Variants in MARCHF1 observed in about 807,000 individuals in gnomAD.
MARCHF1 encodes E3 ubiquitin-protein ligase MARCHF1.
MARCHF1 carries 40 observed loss-of-function variants against 54.2 expected under a neutral mutation model. That is an observed-to-expected ratio of 0.74 (90% CI 0.57 to 0.96). The LOEUF (loss-of-function observed/expected upper bound fraction) is 0.96. Among genes scored for constraint, MARCHF1 ranks in the 40% least tolerant of loss-of-function variants. The pLI is 0.00. For missense variants in MARCHF1, 586 were observed against 656.5 expected, an observed-to-expected ratio of 0.89 and a Z score of 1.17; for synonymous variants, 236 against 236.3, an observed-to-expected ratio of 1.00 and a Z score of 0.01.
intron 8 of MARCHF1, among the ~76,000 whole-genome samples, chr4:163,572,334 T>A (rs1739866974): frequency 3.4e-5 from 5 of 146,144 alleles, no homozygotes; most frequent in East Asian, 2.0e-4. Flanking sequence ...TTTTTTTTTT[T>A]AAATAAATTG....
intron 1 of MARCHF1, among the ~76,000 whole-genome samples, chr4:164,197,990 A>C (rs1448042887): frequency 6.6e-6 from 1 of 152,090 alleles, no homozygotes; most frequent in African/African-American, 2.4e-5. Flanking sequence ...TGAATACACA[A>C]GGCACTCCCC....
chr4:163,923,577 T>C (rs1210755437), intron 3 of MARCHF1, among the ~76,000 whole-genome samples: 4 of 152,102 alleles, frequency 2.6e-5, no homozygotes, highest in Admixed American at 1.3e-4. Context: ...CTATCTTATA[T>C]GCTATCTCAC....
At chr4:164,016,461 A>G (rs1753545501) in intron 2 of MARCHF1, among the ~76,000 whole-genome samples, 1 of 152,176 alleles carries the variant, frequency 6.6e-6, no homozygotes, top group Admixed American at 6.6e-5. Context: ...AAACCTAACC[A>G]TATCACATAT....
chr4:164,304,373 T>C (rs1444103554), intron 1 of MARCHF1, among the ~76,000 whole-genome samples: 3 of 152,214 alleles, frequency 2.0e-5, no homozygotes, highest in Admixed American at 2.0e-4. Context: ...AGCTTTTACA[T>C]TCACTACAAG....
At chr4:164,301,728 A>C (rs1215257553) in intron 1 of MARCHF1, among the ~76,000 whole-genome samples, 1 of 152,196 alleles carries the variant, frequency 6.6e-6, no homozygotes, top group Non-Finnish European at 1.5e-5. Flanking sequence ...ATAAAAAAGA[A>C]TGTCAATGGT....
intron 3 of MARCHF1, among the ~76,000 whole-genome samples, chr4:163,977,849 CATTATT>C (rs1752679907): frequency 6.6e-6 from 1 of 152,124 alleles, no homozygotes; most frequent in Non-Finnish European, 1.5e-5. Flanking sequence ...CTTTTTCATT[CATTATT>C]ATTAATTATT....
intron 1 of MARCHF1, among the ~76,000 whole-genome samples, chr4:164,179,685 T>C (rs1426750668): frequency 3.3e-5 from 5 of 152,068 alleles, no homozygotes; most frequent in Admixed American, 2.6e-4. Flanking sequence ...TATAGGCTAA[T>C]ATAACAAATA....
intron 1 of MARCHF1, among the ~76,000 whole-genome samples, chr4:164,214,466 A>T (rs772778437): frequency 7.1e-4 from 108 of 152,004 alleles, no homozygotes; most frequent in Non-Finnish European, 1.0e-3. Context: ...CATTATTCTA[A>T]AAAAAAACCC....
At position 164,269,183 on chromosome 4, in the gene MARCHF1, GGT is replaced by G. The variant is rs569303714; in HGVS notation, c.-323+114685_-323+114686del. Among the ~76,000 whole-genome samples the G allele has an allele frequency of 1.3e-3, 198 of 152,144 alleles. 3 individuals carry two copies. In the South Asian group the frequency reaches 0.04, roughly 31 times the overall value. ...CCGGGTCATGAAAAAGGGGATCTTG[GGT>G]GTGTGTCCACGATAAGCACTATCAC... On this transcript the variant is annotated intron_variant, in intron 1 of 9. Transcript: ENST00000514618.
rs569878579 is a variant in MARCHF1, at chr4:163,833,729, C to T, written c.111+20292G>A. Among the ~76,000 whole-genome samples, 10 of 152,050 alleles carry T rather than the reference C, an allele frequency of 6.6e-5. No individual in the cohort carries two copies. In the East Asian group the frequency reaches 1.2e-3, roughly 18 times the overall value. On this transcript the variant is annotated intron_variant, in intron 4 of 9. Transcript: ENST00000514618. ...TGCTTTTGTGTGAAAAAATGAATAA[C>T]GTGGTGTGGGGCATGTCATTTTATT...
chr4:164,031,156 A>G (rs1753868460), intron 2 of MARCHF1, among the ~76,000 whole-genome samples: 1 of 152,190 alleles, frequency 6.6e-6, no homozygotes, highest in Admixed American at 6.5e-5. Context: ...GCCAGTTTTC[A>G]AAGGGAATGC....
intron 4 of MARCHF1, among the ~76,000 whole-genome samples, chr4:163,707,254 C>T (rs574788198): frequency 6.6e-6 from 1 of 151,990 alleles, no homozygotes; most frequent in East Asian, 1.9e-4. Flanking sequence ...TAGAAAAATA[C>T]AAAAAGTTAA....
At chr4:164,056,530 G>A (rs991554503) in intron 2 of MARCHF1, among the ~76,000 whole-genome samples, 2 of 151,868 alleles carry the variant, frequency 1.3e-5, no homozygotes, top group Non-Finnish European at 2.9e-5. Flanking sequence ...TGTTTCACAG[G>A]AACATTCATG....
intron 3 of MARCHF1, among the ~76,000 whole-genome samples, chr4:163,943,786 C>T (rs1751967152): frequency 1.3e-5 from 2 of 149,458 alleles, no homozygotes; most frequent in South Asian, 2.1e-4. Flanking sequence ...CACCTCCATC[C>T]CTGGGCTTGC....
chr4:164,038,640 G>T (rs1410619954), intron 2 of MARCHF1, among the ~76,000 whole-genome samples: 1 of 152,158 alleles, frequency 6.6e-6, no homozygotes, highest in Admixed American at 6.6e-5. Context: ...GATCAATAGA[G>T]CATAGTCTAT....
chr4:164,253,974 A>G (rs1366875421), intron 1 of MARCHF1, among the ~76,000 whole-genome samples: 2 of 152,192 alleles, frequency 1.3e-5, no homozygotes, highest in African/African-American at 2.4e-5. Context: ...ATAGAGATAG[A>G]AATCAGATTA....
At chr4:164,322,526 GGTCA>G (rs2110767349) in intron 1 of MARCHF1, among the ~76,000 whole-genome samples, 1 of 151,914 alleles carries the variant, frequency 6.6e-6, no homozygotes, top group South Asian at 2.1e-4. Context: ...GGGTGACTAT[GGTCA>G]GTAATAATGA....
At chr4:163,531,893 T>A (rs1168639631) in intron 9 of MARCHF1, among the ~76,000 whole-genome samples, 1 of 151,798 alleles carries the variant, frequency 6.6e-6, no homozygotes, top group African/African-American at 2.4e-5. Flanking sequence ...ACAAAATATG[T>A]ACAAGATTTA....
chr4:163,893,813 A>G (rs961073516), intron 3 of MARCHF1, among the ~76,000 whole-genome samples: 8 of 152,220 alleles, frequency 5.3e-5, no homozygotes, highest in Non-Finnish European at 1.2e-4. Context: ...CATTCACTGA[A>G]GCCTCATTAC....
Sources: gnomAD v4.1 joint callset for allele counts (sites outside exome capture counted in the v4.1 genomes callset) on GRCh38, gnomAD v4.1.1 for gene constraint, MANE v1.5 for transcripts, NCBI Gene and HGNC (gene_info 2026-07-23, HGNC 2026-07-21) for gene names.